Variants in ADAMTS6 observed in about 807,000 individuals in gnomAD.
ADAMTS6 encodes the protein A disintegrin and metalloproteinase with thrombospondin motifs 6.
Under a neutral mutation model 144.3 loss-of-function variants are expected in ADAMTS6, and 23 were observed. That is an observed-to-expected ratio of 0.16 (90% CI 0.11 to 0.23). ADAMTS6 has a LOEUF of 0.23. ADAMTS6 is among the 10% of genes least tolerant of loss of function. The probability of loss-of-function intolerance (pLI) is 1.00; values close to 1 mark genes in which losing one functional copy is unlikely to be tolerated. For synonymous variants in ADAMTS6, 444 were observed against 457.5 expected, an observed-to-expected ratio of 0.97 and a Z score of 0.38; for missense variants, 999 against 1,379.6, an observed-to-expected ratio of 0.72 and a Z score of 4.37.
At chr5:65,340,093 G>T (rs1461304405) in intron 7 of ADAMTS6, among the ~76,000 whole-genome samples, 1 of 152,032 alleles carries the variant, frequency 6.6e-6, no homozygotes, top group Non-Finnish European at 1.5e-5. Context: ...ATTGTCAAAA[G>T]TCAAAGCAAA....
intron 9 of ADAMTS6, among the ~76,000 whole-genome samples, chr5:65,327,364 T>C (rs1167622838): frequency 1.3e-5 from 2 of 152,092 alleles, no homozygotes; most frequent in East Asian, 3.8e-4. Context: ...TAAACACATC[T>C]GCCCAGTTGT....
intron 9 of ADAMTS6, among the ~76,000 whole-genome samples, chr5:65,312,882 A>G (rs539500387): frequency 6.6e-6 from 1 of 152,070 alleles, no homozygotes; most frequent in East Asian, 1.9e-4. Context: ...TATAATAGTC[A>G]TTGCAAAGAT....
At chr5:65,377,136 C>T (rs1751639277) in intron 7 of ADAMTS6, among the ~76,000 whole-genome samples, 1 of 152,116 alleles carries the variant, frequency 6.6e-6, no homozygotes. Flanking sequence ...GTAAAGACAA[C>T]AACATTAATA....
chr5:65,346,683 GAC>G (rs1272468160), intron 7 of ADAMTS6, among the ~76,000 whole-genome samples: 2 of 151,470 alleles, frequency 1.3e-5, no homozygotes, highest in African/African-American at 4.8e-5. Context: ...AAAAATAAAA[GAC>G]ACAAACATTT....
chr5:65,452,030 C>A (rs1254190057), intron 6 of ADAMTS6, 103 bp downstream of exon 6: 4 of 948,230 alleles, frequency 4.2e-6, no homozygotes, highest in Non-Finnish European at 5.9e-6. Flanking sequence ...CTAGAATTTC[C>A]TAATAGAAGC....
At chr5:65,172,219 C>G (rs1394330450) in intron 23 of ADAMTS6, among the ~76,000 whole-genome samples, 9 of 150,992 alleles carry the variant, frequency 6.0e-5, no homozygotes, top group Non-Finnish European at 1.3e-4. Context: ...TCGAGACCAT[C>G]CTGGCTAAGA....
chr5:65,285,468 G>A (rs1412487786), intron 11 of ADAMTS6, among the ~76,000 whole-genome samples: 1 of 152,058 alleles, frequency 6.6e-6, no homozygotes, highest in East Asian at 1.9e-4. Context: ...CCATAAACAA[G>A]TCAGGTGGAA....
At chr5:65,261,447 T>C (rs771109104) in intron 13 of ADAMTS6, among the ~76,000 whole-genome samples, 11 of 143,624 alleles carry the variant, frequency 7.7e-5, no homozygotes, top group Non-Finnish European at 1.7e-4. Flanking sequence ...TCTGGGTATA[T>C]TATTTATCAC....
intron 9 of ADAMTS6, among the ~76,000 whole-genome samples, chr5:65,328,514 T>C (rs917311002): frequency 2.1e-5 from 3 of 140,824 alleles, no homozygotes; most frequent in African/African-American, 8.4e-5. Flanking sequence ...ACTGTTTCTG[T>C]TTTAGAAGAG....
intron 3 of ADAMTS6, among the ~76,000 whole-genome samples, chr5:65,468,747 AG>A (rs1333661227): frequency 6.6e-6 from 1 of 152,212 alleles, no homozygotes; most frequent in East Asian, 1.9e-4. Context: ...ATTGTAGAAA[AG>A]GTTCCATTTT....
At chr5:65,256,582 A>T (rs920322727) in intron 14 of ADAMTS6, 1 of 152,212 alleles carries the variant, frequency 6.6e-6, no homozygotes, top group Admixed American at 6.5e-5. Flanking sequence ...AGACAAAGAC[A>T]GTAATAGAAA....
intron 12 of ADAMTS6, among the ~76,000 whole-genome samples, chr5:65,269,434 G>A (rs10057851): frequency 0.52 from 78,682 of 151,948 alleles, 20,478 homozygotes; most frequent in Admixed American, 0.54. Context: ...TGAAAAATCT[G>A]TTTAGTACTA....
rs528791551 is a variant in ADAMTS6 at position 65,399,450 on chromosome 5, C to T, written c.1073+52025G>A. Among the ~76,000 whole-genome samples, 29 of 152,202 alleles carry T rather than the reference C, an allele frequency of 1.9e-4. No individual in the cohort carries two copies. The South Asian group carries it at 5.8e-3, about 31-fold the overall frequency. On this transcript the variant is annotated intron_variant, in intron 7 of 24. Coordinates refer to ENST00000381055, the MANE Select transcript of ADAMTS6 (RefSeq NM_197941.4). ...GTTCCTATTTTTGTTTTCCACTCTG[C>T]CTTTTGTGGTTTTTAACAGAGCATT...
chr5:65,291,586 T>C, intron 10 of ADAMTS6, 116 bp from the exon 11 acceptor site: 1 of 1,080,112 alleles, frequency 9.3e-7, no homozygotes, highest in Admixed American at 3.4e-5. Flanking sequence ...AAACAATACA[T>C]TCTCCCAATA....
At chr5:65,333,410 T>C (rs1746969802) in intron 8 of ADAMTS6, among the ~76,000 whole-genome samples, 1 of 152,022 alleles carries the variant, frequency 6.6e-6, no homozygotes, top group Admixed American at 6.6e-5. Context: ...AAATGACCCT[T>C]AGGGAGCACA....
chr5:65,457,745 C>CTTTTTTTTTTTTT (rs1180960588), intron 4 of ADAMTS6, among the ~76,000 whole-genome samples: 1 of 97,436 alleles, frequency 1.0e-5, no homozygotes, highest in Non-Finnish European at 2.1e-5. Context: ...TTCTTTCTTT[C>CTTTTTTTTTTTTT]TTTTTTTTTT....
chr5:65,197,433 G>A (rs576524540), intron 20 of ADAMTS6, among the ~76,000 whole-genome samples: 2 of 151,992 alleles, frequency 1.3e-5, no homozygotes, highest in African/African-American at 2.4e-5. Flanking sequence ...ATTCTTCTTC[G>A]TGCTTCCCTT....
At chr5:65,446,485 T>C (rs189410019) in intron 7 of ADAMTS6, among the ~76,000 whole-genome samples, 1 of 152,200 alleles carries the variant, frequency 6.6e-6, no homozygotes, top group South Asian at 2.1e-4. Flanking sequence ...GGTGTGCAAT[T>C]TTTGCATCTG....
chr5:65,386,741 C>T (rs901101818), intron 7 of ADAMTS6, among the ~76,000 whole-genome samples: 4 of 152,100 alleles, frequency 2.6e-5, no homozygotes, highest in Non-Finnish European at 5.9e-5. Flanking sequence ...GTGCCCACCA[C>T]CACACCCACT....
Sources: allele counts gnomAD v4.1 joint callset (sites outside exome capture counted in the v4.1 genomes callset), GRCh38; gene constraint gnomAD v4.1.1; transcripts MANE v1.5; gene names NCBI Gene and HGNC (gene_info 2026-07-23, HGNC 2026-07-21).